Variants in RAB8A observed in about 807,000 individuals in gnomAD.
RAB8A encodes the protein ras-related protein Rab-8A.
In RAB8A, 5 loss-of-function variants were observed where a neutral mutation model predicts 29.2. That is an observed-to-expected ratio of 0.17 (90% CI 0.09 to 0.36). The LOEUF (loss-of-function observed/expected upper bound fraction) is 0.36, where lower values mean the gene tolerates loss of function less well. Ranked by LOEUF, RAB8A falls within the 10% of genes least tolerant of loss-of-function variation. The probability of loss-of-function intolerance (pLI) is 1.00; values close to 1 mark genes in which losing one functional copy is unlikely to be tolerated. For missense variants in RAB8A, 171 were observed against 272.2 expected (o/e 0.63, Z 2.62); for synonymous variants, 108 against 99.9 (o/e 1.08, Z -0.49).
chr19:16,113,785 G>A (rs1018743614), intron 1 of RAB8A, among the ~76,000 whole-genome samples: 9 of 152,156 alleles, frequency 5.9e-5, no homozygotes, highest in African/African-American at 2.2e-4. Flanking sequence ...TCCAGTTGCT[G>A]TTTGCCCTTG....
chr19:16,121,766 G>C lies in RAB8A; in HGVS notation c.202G>C (p.Glu68Gln), dbSNP rs1213294850. The change falls in exon 3 of 8, where the codon GAA becomes CAA. Residue 68 changes from glutamate (E) to glutamine (Q), a missense_variant. Physicochemically the swap from Glu to Gln is conservative, Grantham distance 29. Transcript: ENST00000300935. ...CATGTTTAGGGACACAGCCGGTCAG[G>C]AACGGTTTCGGACGATCACAACGGC... ...KLQIWDTAGQ[E>Q]RFRTITTAYY... 6.2e-7 allele frequency: 1 copy of C among 1,614,072 alleles called. No individual in the cohort carries two copies. The highest frequency in any genetic ancestry group is 8.5e-7 in the Non-Finnish European group (1 of 1,179,946).
chr19:16,120,102 C>T (rs1351518322), intron 2 of RAB8A, among the ~76,000 whole-genome samples: 9 of 151,896 alleles, frequency 5.9e-5, no homozygotes, highest in South Asian at 2.1e-4. Context: ...CGTGAGCCAC[C>T]GCACCTGGCA....
intron 3 of RAB8A, among the ~76,000 whole-genome samples, chr19:16,123,103 T>C (rs1159933887): frequency 6.6e-6 from 1 of 152,172 alleles, no homozygotes; most frequent in Non-Finnish European, 1.5e-5. Context: ...CCCTGTTTTA[T>C]AACAAAGAAC....
At position 16,112,119 on chromosome 19, in the gene RAB8A, G is replaced by A. The variant is rs1305093300; in HGVS notation, c.124+94G>A. The A allele has an allele frequency of 3.3e-5, 50 of 1,520,116 alleles. 1 individual carries two copies. The highest frequency in any genetic ancestry group is 4.2e-5 in the Non-Finnish European group (47 of 1,125,808). The allele number at this position is 1,520,116 out of a possible 1,614,324, so 94.2% of individuals were successfully genotyped here. On this transcript the variant is annotated intron_variant, in intron 1 of 7. Transcript: ENST00000300935. ...CTGAGGGATCTACAGGGCTGGACGG[G>A]CCGAGGGCGCTGAGAGGGTCGAGGG...
intron 6 of RAB8A, among the ~76,000 whole-genome samples, chr19:16,128,549 G>A (rs1012063416): frequency 7.2e-5 from 11 of 152,140 alleles, no homozygotes. Context: ...GGCCGATCCT[G>A]TGATGTTTCC....
chr19:16,129,459 G>A (rs1458944853), intron 6 of RAB8A, 95 bp from the exon 7 acceptor site: 29 of 1,256,808 alleles, frequency 2.3e-5, no homozygotes, highest in Middle Eastern at 2.3e-4. Context: ...GGAGGCCCAC[G>A]CCTGGGAAGC....
intron 2 of RAB8A, among the ~76,000 whole-genome samples, chr19:16,120,109 G>A (rs895523484): frequency 1.3e-5 from 2 of 152,022 alleles, no homozygotes; most frequent in Admixed American, 6.6e-5. Flanking sequence ...CACCGCACCT[G>A]GCAAAAATGA....
At position 16,133,793 on chromosome 19, in the gene RAB8A, G is replaced by T. The variant is rs974441266; in HGVS notation, c.*1489G>T. 6.6e-6 allele frequency: 1 copy of T among 152,394 alleles called. No individual in the cohort carries two copies. The highest frequency in any genetic ancestry group is 2.4e-5 in the African/African-American group (1 of 41,428). The allele number at this position is 152,394 out of a possible 1,614,324, so 9.4% of individuals were successfully genotyped here. On this transcript the variant is annotated 3_prime_UTR_variant, in exon 8 of 8. Coordinates refer to ENST00000300935, the MANE Select transcript of RAB8A (RefSeq NM_005370.5). Reference sequence around the variant, plus strand: ...TCAAAAGACTAAATTGGGAAAAGAAGCCTCCTGGCTTGGTGCAGTGGCTCA... The same window carrying T: ...TCAAAAGACTAAATTGGGAAAAGAATCCTCCTGGCTTGGTGCAGTGGCTCA...
At chr19:16,120,697 A>C (rs1599396246) in intron 2 of RAB8A, among the ~76,000 whole-genome samples, 1 of 143,222 alleles carries the variant, frequency 7.0e-6, no homozygotes, top group African/African-American at 2.6e-5. Flanking sequence ...TGCAACCTCC[A>C]CCTCCCAGGT....
At chr19:16,131,020 C>T (rs979846237) in intron 7 of RAB8A, among the ~76,000 whole-genome samples, 7 of 152,142 alleles carry the variant, frequency 4.6e-5, no homozygotes, top group Admixed American at 4.6e-4. Flanking sequence ...GACGAGGCTT[C>T]ACCATGTTGG....
At chr19:16,129,527 A>G (rs1020394404) in intron 6 of RAB8A, 27 bp from the exon 7 acceptor site, 8 of 1,612,986 alleles carry the variant, frequency 5.0e-6, no homozygotes, top group Non-Finnish European at 6.8e-6. Flanking sequence ...TGCCATCCCA[A>G]GGACTCACAA....
chr19:16,120,784 T>C (rs1359605960), intron 2 of RAB8A, among the ~76,000 whole-genome samples: 1 of 151,956 alleles, frequency 6.6e-6, no homozygotes, highest in Non-Finnish European at 1.5e-5. Flanking sequence ...CTAATTTTTG[T>C]ATTTTTAGTA....
Position 16,122,085 on chromosome 19 carries a change from TC to T in RAB8A, c.246+277del. The T allele has an allele frequency of 5.2e-6, 2 of 388,164 alleles. No homozygotes were observed. Among genetic ancestry groups the T allele is most frequent in the East Asian group, 4.1e-5 (1 of 24,176 alleles). The allele number at this position is 388,164 out of a possible 1,614,324, so 24.0% of individuals were successfully genotyped here. On this transcript the variant is annotated intron_variant, in intron 3 of 7. Coordinates refer to ENST00000300935, the MANE Select transcript of RAB8A (RefSeq NM_005370.5). This position sits in a 1 kb window ranked among gnomAD's most constrained non-coding sequence, Gnocchi z 4.7. ...AAGAAAGACACAGGAAGCCGGTTCTTCCAGGTGAGCTCAGTGCAGTTAAAGC... is the reference window on the plus strand; with the variant it reads ...AAGAAAGACACAGGAAGCCGGTTCTTCAGGTGAGCTCAGTGCAGTTAAAGC...
Position 16,125,302 on chromosome 19 carries a change from A to C in RAB8A, c.247-168A>C. The C allele has an allele frequency of 1.6e-6, 1 of 633,868 alleles. No homozygotes were observed. The highest frequency in any genetic ancestry group is 2.8e-6 in the Non-Finnish European group (1 of 354,530). The allele number at this position is 633,868 out of a possible 1,614,324, so 39.3% of individuals were successfully genotyped here. On this transcript the variant is annotated intron_variant, in intron 3 of 7. Transcript: ENST00000300935. The surrounding 1 kb of genome is among the most constrained non-coding windows in gnomAD (Gnocchi z 5.0). The stretch of plus-strand genomic sequence containing the variant: ...AGAAAGAAGGGCCACAGGGATGGAG[A>C]GGAGGGGGCTGGCTTCCGGGGCTCC...
rs2052560 is a variant in RAB8A at position 16,121,986 on chromosome 19, G to A, written c.246+176G>A. The A allele has an allele frequency of 5.1e-3, 2,919 of 568,626 alleles. 61 individuals carry two copies. The highest frequency in any genetic ancestry group is 0.049 in the African/African-American group (2,630 of 53,638). The allele number at this position is 568,626 out of a possible 1,614,324, so 35.2% of individuals were successfully genotyped here. A position where few individuals can be genotyped will look rare whatever the true frequency, so the allele number is the denominator to read the frequency against. ...GCTTTGTGCCCCGGCCTACCCCCAT[G>A]TACATACCTCCCCTTCTGGCTGCAG... On this transcript the variant is annotated intron_variant, in intron 3 of 7. Transcript: ENST00000300935.
At chr19:16,129,067 G>A (rs10416536) in intron 6 of RAB8A, among the ~76,000 whole-genome samples, 45,945 of 152,142 alleles carry the variant, frequency 0.3, 7,184 homozygotes, top group South Asian at 0.35. Context: ...AGCTTGTTTG[G>A]CCACAGAGCT....
intron 4 of RAB8A, chr19:16,126,447 G>C (rs1170426225): frequency 6.6e-6 from 1 of 152,566 alleles, no homozygotes; most frequent in Non-Finnish European, 1.5e-5. Flanking sequence ...CATGGGAAGT[G>C]AGGCAGGGAG....
At chr19:16,126,179 C>G (rs539311809) in intron 4 of RAB8A, 1 of 176,376 alleles carries the variant, frequency 5.7e-6, no homozygotes, top group African/African-American at 2.3e-5. Flanking sequence ...ATCTATAAAA[C>G]CACAGCAAAA....
chr19:16,115,779 A>G (rs1330139270), intron 1 of RAB8A, among the ~76,000 whole-genome samples: 1 of 152,192 alleles, frequency 6.6e-6, no homozygotes, highest in Non-Finnish European at 1.5e-5. Flanking sequence ...ACTGGAGGTA[A>G]TAGCAGTGGA....
Sources: gnomAD v4.1 joint callset for allele counts (sites outside exome capture counted in the v4.1 genomes callset) on GRCh38, gnomAD v4.1.1 for gene constraint, Gnocchi (gnomAD v3.1) non-coding constraint, MANE v1.5 for transcripts, NCBI Gene and HGNC (gene_info 2026-07-23, HGNC 2026-07-21) for gene names.